The following GLI2 variants were observed in gnomAD, a reference collection of about 807,000 sequenced individuals.
The protein encoded by GLI2 is transcription activator GLI2.
GLI2 carries 22 observed loss-of-function variants against 78.9 expected under a neutral mutation model. That is an observed-to-expected ratio of 0.28 (90% CI 0.20 to 0.40). GLI2 has a LOEUF of 0.40. Ranked by LOEUF, GLI2 falls within the 10% of genes least tolerant of loss-of-function variation. GLI2 has a pLI of 1.00. For missense variants in GLI2, 2,097 were observed against 2,213.2 expected (o/e 0.95, Z 1.05); for synonymous variants, 974 against 963.7 (o/e 1.01, Z -0.20).
At chr2:120,878,653 G>A (rs1256570793) in intron 2 of GLI2, among the ~76,000 whole-genome samples, 3 of 151,968 alleles carry the variant, frequency 2.0e-5, no homozygotes, top group Non-Finnish European at 2.9e-5. Flanking sequence ...AAAATCTTTC[G>A]GCCAGGCACG....
At chr2:120,987,594 A>G (rs796286413) in intron 13 of GLI2, among the ~76,000 whole-genome samples, 10 of 152,218 alleles carry the variant, frequency 6.6e-5, no homozygotes, top group African/African-American at 2.4e-4. Context: ...TTCCATGGGT[A>G]TGGACCTCAG....
In GLI2 at chr2:120,990,174, G is replaced by A. The variant is rs758211337; in HGVS notation, c.4209G>A (p.Ala1403=). Residue 1403 remains alanine (A), a synonymous_variant, in exon 14 of 14, where the codon GCG becomes GCA. Coordinates refer to ENST00000361492, the MANE Select transcript of GLI2 (RefSeq NM_001374353.1). ...QETAEAVPKG[A]MGNMGSVPPQ... ...CAGCAGAGGCTGTGCCCAAGGGAGC[G>A]ATGGGCAACATGGGGTCGGTGCCTC... is the stretch of plus-strand genomic sequence containing the variant. The A allele has an allele frequency of 7.4e-6, 12 of 1,612,704 alleles. No individual in the cohort carries two copies. The highest frequency in any genetic ancestry group is 1.1e-5 in the South Asian group (1 of 91,066).
intron 2 of GLI2, among the ~76,000 whole-genome samples, chr2:120,827,418 C>T (rs1335837770): frequency 6.6e-6 from 1 of 152,174 alleles, no homozygotes; most frequent in Non-Finnish European, 1.5e-5. Flanking sequence ...GAGAAGTTGG[C>T]CTCCTTGTGC....
intron 4 of GLI2, among the ~76,000 whole-genome samples, chr2:120,951,993 C>T (rs1439906004): frequency 6.6e-6 from 1 of 152,198 alleles, no homozygotes; most frequent in African/African-American, 2.4e-5. Context: ...CCCGGTGTGA[C>T]TAATTTCAGC....
chr2:120,981,716 A>G (rs1369022958), intron 10 of GLI2, among the ~76,000 whole-genome samples: 1 of 152,130 alleles, frequency 6.6e-6, no homozygotes, highest in East Asian at 1.9e-4. Flanking sequence ...CATCCATTCA[A>G]TGCAACCACA....
chr2:120,988,381 T>C lies in GLI2; in HGVS notation c.2416T>C (p.Ser806Pro). The C allele has an allele frequency of 6.4e-7, 1 of 1,570,520 alleles. No homozygotes were observed. The highest frequency in any genetic ancestry group is 2.4e-5 in the East Asian group (1 of 42,414). Residue 806 changes from serine to proline, a missense_variant, in exon 14 of 14, where the codon TCC (serine) becomes CCC (proline). Ser to Pro is a moderately conservative substitution (Grantham distance 74). Around this residue, in one of 5 missense-constraint regions of GLI2, gnomAD observed 1,290 missense variants for 1,261.7 expected, o/e 1.02. Coordinates refer to ENST00000361492, the MANE Select transcript of GLI2 (RefSeq NM_001374353.1). ...VSSAYTVSRR[S>P]SGISPYFSSR... ...CTCGGCCTACACCGTGAGCCGCCGC[T>C]CCTCCGGCATCTCCCCCTACTTCTC... is the stretch of plus-strand genomic sequence containing the variant.
chr2:120,775,916 C>T (rs912518443), intron 1 of GLI2, among the ~76,000 whole-genome samples: 2 of 152,228 alleles, frequency 1.3e-5, no homozygotes, highest in Non-Finnish European at 2.9e-5. Context: ...CCCCCGGGCT[C>T]CCATCCCTTT....
intron 2 of GLI2, among the ~76,000 whole-genome samples, chr2:120,824,909 C>T (rs903008654): frequency 1.3e-5 from 2 of 152,118 alleles, no homozygotes; most frequent in African/African-American, 4.8e-5. Context: ...AATCGTGGCC[C>T]ACTGTAGCCT....
At chr2:120,789,270 C>T (rs1023706087) in intron 1 of GLI2, among the ~76,000 whole-genome samples, 1 of 152,042 alleles carries the variant, frequency 6.6e-6, no homozygotes, top group Non-Finnish European at 1.5e-5. Context: ...GTGATCCGCC[C>T]TCCTCAGCCT....
chr2:120,869,126 A>AG (rs11447665), intron 2 of GLI2, among the ~76,000 whole-genome samples: 71,711 of 151,874 alleles, frequency 0.47, 17,771 homozygotes, highest in East Asian at 0.76. Context: ...GAGGTCACAG[A>AG]GGAGACCATT....
At chr2:120,946,511 C>T (rs1680717504) in intron 3 of GLI2, among the ~76,000 whole-genome samples, 1 of 152,196 alleles carries the variant, frequency 6.6e-6, no homozygotes, top group African/African-American at 2.4e-5. Context: ...TCCTGAAGGG[C>T]GTCTCTTTGA....
At chr2:120,830,983 CTTTT>C (rs5833855) in intron 2 of GLI2, among the ~76,000 whole-genome samples, 1 of 138,020 alleles carries the variant, frequency 7.2e-6, no homozygotes, top group Non-Finnish European at 1.6e-5. Context: ...CTCTCTGTCT[CTTTT>C]TTTTTTTTTT....
intron 2 of GLI2, among the ~76,000 whole-genome samples, chr2:120,914,544 C>G (rs1678997175): frequency 6.6e-6 from 1 of 152,202 alleles, no homozygotes; most frequent in Non-Finnish European, 1.5e-5. Flanking sequence ...TCTTCCAGCC[C>G]TAAAATTCTC....
chr2:120,960,913 C>G (rs1467825384), intron 5 of GLI2, among the ~76,000 whole-genome samples: 1 of 152,206 alleles, frequency 6.6e-6, no homozygotes, highest in Non-Finnish European at 1.5e-5. Flanking sequence ...TGATTTACAG[C>G]AGGAAGACAG....
At chr2:120,884,802 T>C (rs1446261475) in intron 2 of GLI2, among the ~76,000 whole-genome samples, 1 of 152,156 alleles carries the variant, frequency 6.6e-6, no homozygotes, top group Non-Finnish European at 1.5e-5. Context: ...TGCTCAGCCT[T>C]GCCTCGCCTC....
chr2:120,889,014 C>T (rs1677550718), intron 2 of GLI2, among the ~76,000 whole-genome samples: 1 of 152,288 alleles, frequency 6.6e-6, no homozygotes, highest in East Asian at 1.9e-4. Context: ...GGCTAGACGG[C>T]CGTGAGGACT....
intron 2 of GLI2, among the ~76,000 whole-genome samples, chr2:120,911,572 G>T (rs1448209498): frequency 4.6e-5 from 7 of 152,158 alleles, no homozygotes; most frequent in African/African-American, 1.7e-4. Flanking sequence ...TTATCCTCGG[G>T]TTCTGTTTTC....
chr2:120,911,008 C>T (rs1001977558), intron 2 of GLI2, among the ~76,000 whole-genome samples: 9 of 152,244 alleles, frequency 5.9e-5, no homozygotes, highest in African/African-American at 1.9e-4. Flanking sequence ...CATCACACAC[C>T]TGTGACCCTT....
At chr2:120,749,837 G>A (rs907025509) in intron 1 of GLI2, among the ~76,000 whole-genome samples, 19 of 152,204 alleles carry the variant, frequency 1.2e-4, no homozygotes, top group African/African-American at 4.1e-4. Flanking sequence ...GGGGGCCTTG[G>A]AGACCAAGTG....
Sources: allele counts gnomAD v4.1 joint callset (sites outside exome capture counted in the v4.1 genomes callset), GRCh38; gene constraint gnomAD v4.1.1; regional missense constraint gnomAD v4.1.1; transcripts MANE v1.5; gene names NCBI Gene and HGNC (gene_info 2026-07-23, HGNC 2026-07-21).